Variants in REST observed in about 807,000 individuals in gnomAD.
The protein encoded by REST is RE1-silencing transcription factor.
Under a neutral mutation model 30.4 loss-of-function variants are expected in REST, and 1 was observed. The ratio of observed to expected loss-of-function variants is 0.03; its 90% confidence interval spans 0.01 to 0.16. The LOEUF is 0.16. REST is among the 10% of genes least tolerant of loss of function. The pLI, the probability that REST is intolerant of heterozygous loss-of-function variation, is 1.00. For synonymous variants in REST, 504 were observed against 451.1 expected, an observed-to-expected ratio of 1.12 and a Z score of -1.49; for missense variants, 1,259 against 1,329.5, an observed-to-expected ratio of 0.95 and a Z score of 0.82.
chr4:56,915,073 C>T (rs1447439850), intron 2 of REST, among the ~76,000 whole-genome samples: 11 of 150,250 alleles, frequency 7.3e-5, no homozygotes, highest in South Asian at 6.3e-4. Context: ...TCCAGGCATG[C>T]GCCACCACAC....
chr4:56,929,491 C>G (rs1014295281), intron 3 of REST, among the ~76,000 whole-genome samples: 2 of 132,592 alleles, frequency 1.5e-5, no homozygotes. Context: ...TTTAACTAAA[C>G]ACACAAAAAA....
intron 3 of REST, among the ~76,000 whole-genome samples, chr4:56,925,489 C>T (rs567358589): frequency 7.4e-4 from 113 of 152,264 alleles, no homozygotes; most frequent in Admixed American, 2.4e-3. Context: ...GCTAGGATTA[C>T]GGGTGTGAAC....
chr4:56,910,547 T>C (rs1719845806), intron 1 of REST, 83 bp from the exon 2 acceptor site: 1 of 1,209,758 alleles, frequency 8.3e-7, no homozygotes, highest in East Asian at 2.4e-5. Flanking sequence ...TTTTAAGTTA[T>C]GAAGAATTAC....
At chr4:56,924,863 T>C (rs1399359214) in intron 3 of REST, among the ~76,000 whole-genome samples, 5 of 152,126 alleles carry the variant, frequency 3.3e-5, no homozygotes, top group African/African-American at 9.7e-5. Context: ...CATTACTTTT[T>C]ACTTAAAAAT....
chr4:56,918,744 A>T (rs1720315869), intron 2 of REST, among the ~76,000 whole-genome samples: 1 of 151,802 alleles, frequency 6.6e-6, no homozygotes, highest in Non-Finnish European at 1.5e-5. Context: ...ATCATGGCTC[A>T]CACCAGCCTC....
chr4:56,912,795 A>T (rs1007038412), intron 2 of REST, among the ~76,000 whole-genome samples: 1 of 150,772 alleles, frequency 6.6e-6, no homozygotes, highest in Non-Finnish European at 1.5e-5. Flanking sequence ...TACAGGCGTG[A>T]GTGCCACCCC....
intron 3 of REST, 51 bp from the exon 4 acceptor site, chr4:56,929,790 T>C: frequency 6.6e-7 from 1 of 1,512,712 alleles, no homozygotes; most frequent in Non-Finnish European, 8.9e-7. Context: ...TATTTTAATC[T>C]TGAATTTGTC....
rs530144297 is a variant in REST at position 56,922,926 on chromosome 4, G to A, written c.982+3056G>A. ...AATGTTAGGTCACTGCATTTAGAAT[G>A]ACTACATACTTTTATCCTTTCGTTC... On this transcript the variant is annotated intron_variant, in intron 3 of 3. Coordinates refer to ENST00000309042, the MANE Select transcript of REST (RefSeq NM_005612.5). 2.0e-3 allele frequency among the ~76,000 whole-genome samples: 305 copies of A among 152,324 alleles called. 2 individuals are homozygous for A. Among genetic ancestry groups the A allele is most frequent in the African/African-American group, 6.7e-3 (279 of 41,580 alleles).
chr4:56,931,254 C>T lies in REST; in HGVS notation c.2396C>T (p.Pro799Leu), dbSNP rs752126612. 4 of 1,614,238 alleles carry T rather than the reference C, an allele frequency of 2.5e-6. No homozygotes were observed. In the South Asian group the frequency reaches 3.3e-5, roughly 13 times the overall value. Reference protein sequence around the residue: ...QKEPAQREPPPPREPPLHMEP... With the variant: ...QKEPAQREPPLPREPPLHMEP... The stretch of plus-strand genomic sequence containing the variant: ...GAGCCTGCTCAGAGGGAGCCACCTC[C>T]TCCCAGAGAGCCTCCCCTTCACATG... The change falls in exon 4 of 4, where the codon CCT becomes CTT. Residue 799 changes from proline (P) to leucine (L), a missense_variant. Around this residue, in one of 5 missense-constraint regions of REST, gnomAD observed 856 missense variants for 772.8 expected, o/e 1.11. Coordinates refer to ENST00000309042, the MANE Select transcript of REST (RefSeq NM_005612.5).
chr4:56,918,290 G>A (rs1720296832), intron 2 of REST, among the ~76,000 whole-genome samples: 2 of 151,274 alleles, frequency 1.3e-5, no homozygotes, highest in Non-Finnish European at 2.9e-5. Flanking sequence ...CCAGAAGTTC[G>A]AGACCAGTCT....
chr4:56,918,751 C>T (rs1307248025), intron 2 of REST, among the ~76,000 whole-genome samples: 1 of 151,898 alleles, frequency 6.6e-6, no homozygotes, highest in Admixed American at 6.6e-5. Flanking sequence ...CTCACACCAG[C>T]CTCATCCTTC....
rs567456057 is a variant in REST, at chr4:56,919,856, T to G, written c.968T>G (p.Met323Arg). Residue 323 changes from methionine to arginine, a missense_variant, in exon 3 of 4, where the codon ATG becomes AGG. Met to Arg is a moderately conservative substitution (Grantham distance 91). Coordinates refer to ENST00000309042, the MANE Select transcript of REST (RefSeq NM_005612.5). Reference protein sequence around the residue: ...SSQKTHLTRHMRTHSGEKPFK... With the variant: ...SSQKTHLTRHRRTHSGEKPFK... ...CAGAAGACTCATCTAACTAGACATATGCGTACTCATTCAGGTTGGTAAGAA... is the reference window on the plus strand; with the variant it reads ...CAGAAGACTCATCTAACTAGACATAGGCGTACTCATTCAGGTTGGTAAGAA... 1 of 1,584,582 alleles carries G rather than the reference T, an allele frequency of 6.3e-7. No homozygotes were observed. The highest frequency in any genetic ancestry group is 8.6e-7 in the Non-Finnish European group (1 of 1,159,570).
chr4:56,914,769 G>C (rs1720100141), intron 2 of REST, among the ~76,000 whole-genome samples: 1 of 152,078 alleles, frequency 6.6e-6, no homozygotes, highest in Admixed American at 6.6e-5. Flanking sequence ...GGCCAGGCTA[G>C]TCTTGAACTC....
chr4:56,919,747 C>T (rs372309253), intron 2 of REST, 40 bp from the exon 3 acceptor site: 74 of 1,220,496 alleles, frequency 6.1e-5, no homozygotes, highest in Non-Finnish European at 7.8e-5. Context: ...TTGGCTATTT[C>T]GTGACATTTA....
chr4:56,914,921 ACT>A (rs1720111951), intron 2 of REST, among the ~76,000 whole-genome samples: 1 of 67,190 alleles, frequency 1.5e-5, no homozygotes, highest in Non-Finnish European at 3.0e-5. Context: ...TTTTTTTTTA[ACT>A]TTTTTTTTTT....
chr4:56,915,839 C>G (rs1186008039), intron 2 of REST, among the ~76,000 whole-genome samples: 2 of 152,262 alleles, frequency 1.3e-5, no homozygotes, highest in East Asian at 1.9e-4. Context: ...ATCTTCAGAA[C>G]AATCCATTGA....
At position 56,908,044 on chromosome 4, in the gene REST, T is replaced by A; in HGVS notation, c.-179T>A. ...GACGGCAGGGCGAGGCCCGGAGGCC[T>A]GAGCACCCTCTGCAGCCCCACTCCT... On this transcript the variant is annotated 5_prime_UTR_variant, in exon 1 of 4. The change abolishes the stop of an existing upstream ORF in the 5' untranslated region. Coordinates refer to ENST00000309042, the MANE Select transcript of REST (RefSeq NM_005612.5). 2.9e-6 allele frequency: 1 copy of A among 350,468 alleles called. No individual in the cohort carries two copies. The highest frequency in any genetic ancestry group is 5.1e-6 in the Non-Finnish European group (1 of 195,082). The allele number at this position is 350,468 out of a possible 1,614,324, so 21.7% of individuals were successfully genotyped here.
rs889882721 is a variant in REST, at chr4:56,931,677, C to T, written c.2819C>T (p.Thr940Ile). 31 of 1,614,108 alleles carry T rather than the reference C, an allele frequency of 1.9e-5. No individual in the cohort carries two copies. Among genetic ancestry groups the T allele is most frequent in the Non-Finnish European group, 2.3e-5 (27 of 1,180,058 alleles). ...EGETLNGKHQ[T>I]DSIVCEMKMD... ...GAAACTTTAAATGGTAAACATCAGACTGACAGTATAGTTTGTGAAATGAAA... is the reference window on the plus strand; with the variant it reads ...GAAACTTTAAATGGTAAACATCAGATTGACAGTATAGTTTGTGAAATGAAA... The change falls in exon 4 of 4, where the codon ACT becomes ATT. Residue 940 changes from threonine (T) to isoleucine (I), a missense_variant. Physicochemically the swap from Thr to Ile is moderately conservative, Grantham distance 89. Transcript: ENST00000309042.
chr4:56,919,023 C>T (rs1720331056), intron 2 of REST, among the ~76,000 whole-genome samples: 1 of 151,464 alleles, frequency 6.6e-6, no homozygotes, highest in Admixed American at 6.6e-5. Context: ...TCTCACTCAG[C>T]CTCCCGAGTA....
Sources: gnomAD v4.1 joint callset for allele counts (sites outside exome capture counted in the v4.1 genomes callset) on GRCh38, gnomAD v4.1.1 for gene constraint, gnomAD v4.1.1 regional missense constraint, MANE v1.5 for transcripts, NCBI Gene and HGNC (gene_info 2026-07-23, HGNC 2026-07-21) for gene names.